The following RPS6KA5 variants were observed in gnomAD, a reference collection of about 807,000 sequenced individuals.
RPS6KA5 encodes ribosomal protein S6 kinase alpha-5.
Under a neutral mutation model 85.5 loss-of-function variants are expected in RPS6KA5, and 27 were observed. The observed-to-expected ratio is 0.32, with a 90% CI of 0.23 to 0.44. The LOEUF is 0.44. Ranked by LOEUF, RPS6KA5 falls within the 20% of genes least tolerant of loss-of-function variation. RPS6KA5 has a pLI of 1.00. For missense variants in RPS6KA5, 811 were observed against 980.9 expected, an observed-to-expected ratio of 0.83 and a Z score of 2.31; for synonymous variants, 334 against 348.2, an observed-to-expected ratio of 0.96 and a Z score of 0.46.
chr14:91,002,078 T>C (rs1007494769), intron 1 of RPS6KA5, among the ~76,000 whole-genome samples: 1 of 152,128 alleles, frequency 6.6e-6, no homozygotes, highest in African/African-American at 2.4e-5. Flanking sequence ...TAGTACTCTG[T>C]AGAAGTGGTT....
intron 4 of RPS6KA5, among the ~76,000 whole-genome samples, chr14:90,946,460 A>G (rs1245374441): frequency 6.6e-6 from 1 of 151,578 alleles, no homozygotes; most frequent in Non-Finnish European, 1.5e-5. Context: ...TTTTTTTCTT[A>G]CATCTTACCA....
chr14:91,028,559 C>A (rs1196528730), intron 1 of RPS6KA5, among the ~76,000 whole-genome samples: 1 of 149,990 alleles, frequency 6.7e-6, no homozygotes, highest in African/African-American at 2.5e-5. Flanking sequence ...CACTCTGTCG[C>A]CCAGGCTGGA....
intron 3 of RPS6KA5, among the ~76,000 whole-genome samples, chr14:90,953,952 T>C (rs932737293): frequency 6.6e-6 from 1 of 152,192 alleles, no homozygotes; most frequent in Non-Finnish European, 1.5e-5. Flanking sequence ...CATGTGATCT[T>C]TGTTCTCCTT....
rs1254103982 is a variant in RPS6KA5 at position 90,858,379 on chromosome 14, C to T, written c.*13695G>A. Reference sequence around the variant, plus strand: ...CTGTTCGAGAATGATGTTAACATCACGTGTAGGAATGCTACATTTTCTAGG... The same window carrying T: ...CTGTTCGAGAATGATGTTAACATCATGTGTAGGAATGCTACATTTTCTAGG... On this transcript the variant is annotated 3_prime_UTR_variant, in exon 17 of 17. Transcript: ENST00000614987. 3 of 152,094 alleles carry T rather than the reference C, an allele frequency of 2.0e-5. No individual in the cohort carries two copies. Among genetic ancestry groups the T allele is most frequent in the South Asian group, 2.1e-4 (1 of 4,812 alleles). 9.4% of individuals were successfully genotyped at this position (152,094 alleles called of 1,614,324 possible).
intron 1 of RPS6KA5, chr14:91,052,363 G>A (rs2043120929): frequency 7.5e-6 from 3 of 400,784 alleles, no homozygotes; most frequent in South Asian, 5.4e-5. Context: ...AGCCACTTGG[G>A]AGGCTGAGGC....
At chr14:91,016,287 G>A (rs570458229) in intron 1 of RPS6KA5, among the ~76,000 whole-genome samples, 10 of 151,778 alleles carry the variant, frequency 6.6e-5, no homozygotes, top group Middle Eastern at 3.4e-3. Flanking sequence ...CATTGCCCAC[G>A]CTGGCCTTGA....
chr14:91,042,881 C>T (rs1372684715), intron 1 of RPS6KA5, among the ~76,000 whole-genome samples: 1 of 152,080 alleles, frequency 6.6e-6, no homozygotes, highest in African/African-American at 2.4e-5. Flanking sequence ...CACGCTCTAC[C>T]ATCACTCATC....
chr14:90,858,135 A>G lies in RPS6KA5; in HGVS notation c.*13939T>C, dbSNP rs966755169. The stretch of plus-strand genomic sequence containing the variant: ...AGCTATATTAACCCTTTTCCGGTTT[A>G]GAAAAAAAAAGTACAGCTCACTGCC... On this transcript the variant is annotated 3_prime_UTR_variant, in exon 17 of 17. Transcript: ENST00000614987. The G allele has an allele frequency of 2.0e-5, 3 of 152,210 alleles. No individual in the cohort carries two copies. Among genetic ancestry groups the G allele is most frequent in the African/African-American group, 7.2e-5 (3 of 41,446 alleles). The allele number at this position is 152,210 out of a possible 1,614,324, so 9.4% of individuals were successfully genotyped here.
intron 1 of RPS6KA5, among the ~76,000 whole-genome samples, chr14:91,034,288 GA>G (rs1411771719): frequency 7.0e-6 from 1 of 143,388 alleles, no homozygotes; most frequent in Non-Finnish European, 1.5e-5. Flanking sequence ...CTGGGAGACA[GA>G]AGTAAAAACC....
At chr14:91,058,783 A>G (rs1221779127) in intron 1 of RPS6KA5, among the ~76,000 whole-genome samples, 1 of 152,150 alleles carries the variant, frequency 6.6e-6, no homozygotes, top group Admixed American at 6.5e-5. Context: ...CTCAAGATGT[A>G]TAACAGATTC....
At chr14:90,960,453 T>C (rs1195879805) in intron 3 of RPS6KA5, among the ~76,000 whole-genome samples, 1 of 152,186 alleles carries the variant, frequency 6.6e-6, no homozygotes, top group African/African-American at 2.4e-5. Flanking sequence ...ATCAAAGTGG[T>C]CAGTGATATC....
In RPS6KA5 at chr14:90,861,903, A is replaced by G. The variant is rs540626889; in HGVS notation, c.*10171T>C. 6.6e-5 allele frequency: 10 copies of G among 152,108 alleles called. 1 individual carries two copies. The highest frequency in any genetic ancestry group is 2.6e-4 in the Admixed American group (4 of 15,266). The allele number at this position is 152,108 out of a possible 1,614,324, so 9.4% of individuals were successfully genotyped here. On this transcript the variant is annotated 3_prime_UTR_variant, in exon 17 of 17. Coordinates refer to ENST00000614987, the MANE Select transcript of RPS6KA5 (RefSeq NM_004755.4). The stretch of plus-strand genomic sequence containing the variant: ...CAAAGACTCCATCTCAAAAAAAAAA[A>G]AAAAAAAGGGGAAAACAGATTTAAA...
At chr14:90,925,648 A>T (rs1280103125) in intron 5 of RPS6KA5, among the ~76,000 whole-genome samples, 3 of 152,162 alleles carry the variant, frequency 2.0e-5, no homozygotes, top group African/African-American at 7.2e-5. Flanking sequence ...CCACAGACAC[A>T]ACAAACTGAA....
Position 90,920,363 on chromosome 14 carries a change from A to G in RPS6KA5, c.703-54T>C, listed in dbSNP as rs111650870. 1,281 of 1,225,700 alleles carry G rather than the reference A, an allele frequency of 1.0e-3. 12 individuals are homozygous for G. In the African/African-American group the frequency reaches 0.017, roughly 16 times the overall value. The allele number at this position is 1,225,700 out of a possible 1,614,324, so 75.9% of individuals were successfully genotyped here. A position where few individuals can be genotyped will look rare whatever the true frequency, so the allele number is the denominator to read the frequency against. On this transcript the variant is annotated intron_variant, in intron 6 of 16. Transcript: ENST00000614987. ...AGAATTATCAACTAAAATATTTTAT[A>G]AGAAAGAAAAAATGAATAAAAGCTA...
chr14:90,957,724 C>G (rs1022632202), intron 3 of RPS6KA5, among the ~76,000 whole-genome samples: 10 of 152,156 alleles, frequency 6.6e-5, no homozygotes, highest in Non-Finnish European at 1.2e-4. Context: ...CCCAGGAGGA[C>G]CCTTCTTAGT....
chr14:91,029,510 A>G (rs549863411), intron 1 of RPS6KA5, among the ~76,000 whole-genome samples: 2 of 152,334 alleles, frequency 1.3e-5, no homozygotes, highest in South Asian at 4.1e-4. Flanking sequence ...CACTGTGCAG[A>G]GAGCTATCTA....
Position 90,900,562 on chromosome 14 carries a change from C to T in RPS6KA5, c.1245+49G>A, listed in dbSNP as rs773143185. ...ACATTAATTAGAGTTGGTATTTAAA[C>T]ACTCACAAAACCTACAAATATGTCA... On this transcript the variant is annotated intron_variant, in intron 10 of 16. Transcript: ENST00000614987. 3.8e-6 allele frequency: 6 copies of T among 1,563,104 alleles called. No homozygotes were observed. In the African/African-American group the frequency reaches 6.8e-5, roughly 18 times the overall value.
chr14:90,881,558 T>A (rs2033839735), intron 14 of RPS6KA5, among the ~76,000 whole-genome samples: 1 of 152,074 alleles, frequency 6.6e-6, no homozygotes, highest in Non-Finnish European at 1.5e-5. Flanking sequence ...CAGAGTGCAA[T>A]GGCACAATGT....
chr14:90,889,719 T>TA (rs2034446640), intron 14 of RPS6KA5, among the ~76,000 whole-genome samples: 2 of 152,172 alleles, frequency 1.3e-5, no homozygotes, highest in African/African-American at 4.8e-5. Flanking sequence ...TCTTATTTGT[T>TA]AAAAAATTCA....
Sources: gnomAD v4.1 joint callset for allele counts (sites outside exome capture counted in the v4.1 genomes callset) on GRCh38, gnomAD v4.1.1 for gene constraint, MANE v1.5 for transcripts, NCBI Gene and HGNC (gene_info 2026-07-23, HGNC 2026-07-21) for gene names.